The following TRAK1 variants were observed in gnomAD, a reference collection of about 807,000 sequenced individuals.
TRAK1 encodes trafficking kinesin protein 1, also known as trafficking kinesin-binding protein 1.
A neutral mutation model predicts 92.1 loss-of-function variants in TRAK1; 33 were observed. The observed-to-expected ratio is 0.36, with a 90% CI of 0.27 to 0.48. The LOEUF (loss-of-function observed/expected upper bound fraction) is 0.48, where lower values mean the gene tolerates loss of function less well. Among genes scored for constraint, TRAK1 ranks in the 20% least tolerant of loss-of-function variants. TRAK1 has a pLI of 0.99. For synonymous variants in TRAK1, 521 were observed against 517.3 expected (o/e 1.01, Z -0.10); for missense variants, 1,123 against 1,257.9 (o/e 0.89, Z 1.62).
chr3:42,078,743 A>G lies in TRAK1; in HGVS notation c.-518-8361A>G, dbSNP rs1006483158. 2.3e-4 allele frequency among the ~76,000 whole-genome samples: 29 copies of G among 124,234 alleles called. No individual in the cohort carries two copies. The East Asian group carries it at 3.3e-3, about 14-fold the overall frequency. The allele number at this position is 124,234 out of a possible 152,430, so 81.5% of individuals were successfully genotyped here. On this transcript the variant is annotated intron_variant, in intron 1 of 16. Transcript: ENST00000487159. The stretch of plus-strand genomic sequence containing the variant: ...ACTCCAGCCTGGGAGACAGAGGGAG[A>G]TTCCATCTCAAAAAAAAAAAAAAAA...
intron 2 of TRAK1, among the ~76,000 whole-genome samples, chr3:42,136,091 A>G (rs1216062388): frequency 2.6e-5 from 4 of 152,218 alleles, no homozygotes; most frequent in South Asian, 2.1e-4. Context: ...CTGTTTCTCT[A>G]TCATCATAAA....
chr3:42,156,133 C>T (rs1700506264), intron 2 of TRAK1, among the ~76,000 whole-genome samples: 1 of 152,232 alleles, frequency 6.6e-6, no homozygotes, highest in South Asian at 2.1e-4. Flanking sequence ...CCTGGCCCAG[C>T]CCTCTCCATC....
intron 1 of TRAK1, among the ~76,000 whole-genome samples, chr3:42,078,194 G>T (rs758560565): frequency 2.6e-5 from 4 of 152,150 alleles, no homozygotes; most frequent in Admixed American, 2.0e-4. Context: ...GGGGTAACAT[G>T]GGGGCTCCAG....
intron 4 of TRAK1, among the ~76,000 whole-genome samples, chr3:42,185,993 TTTTTTTTG>T (rs369747979): frequency 0.52 from 62,354 of 119,338 alleles, 18,881 homozygotes; most frequent in East Asian, 0.94. Flanking sequence ...TTTTTTTTTT[TTTTTTTTG>T]AGATAAGGTC....
At chr3:42,203,922 T>C in intron 13 of TRAK1, 1 of 984,840 alleles carries the variant, frequency 1.0e-6, no homozygotes, top group Non-Finnish European at 1.2e-6. Flanking sequence ...GGGAGCAATA[T>C]TGCCCCTGTG....
At chr3:42,169,350 ATT>A (rs1702264443) in intron 2 of TRAK1, among the ~76,000 whole-genome samples, 6 of 151,994 alleles carry the variant, frequency 3.9e-5, no homozygotes. Flanking sequence ...GTGTTTATTC[ATT>A]CACCAATTGA....
chr3:42,180,659 A>C (rs574443287), intron 3 of TRAK1, among the ~76,000 whole-genome samples: 2 of 145,202 alleles, frequency 1.4e-5, no homozygotes, highest in African/African-American at 5.1e-5. Context: ...GGCCTAGGCG[A>C]TAGAGTGAGA....
At chr3:42,070,330 A>G (rs994263526) in intron 1 of TRAK1, among the ~76,000 whole-genome samples, 26 of 150,264 alleles carry the variant, frequency 1.7e-4, no homozygotes, top group African/African-American at 6.3e-4. Context: ...TGCCAGTTTG[A>G]CAGATAACAT....
intron 1 of TRAK1, among the ~76,000 whole-genome samples, chr3:42,031,398 G>T (rs1293099177): frequency 6.6e-6 from 1 of 151,092 alleles, no homozygotes; most frequent in Non-Finnish European, 1.5e-5. Context: ...GCTTATGCCT[G>T]TAATCCCAGC....
intron 1 of TRAK1, among the ~76,000 whole-genome samples, chr3:42,063,217 G>A (rs191785096): frequency 2.6e-5 from 4 of 152,350 alleles, no homozygotes; most frequent in African/African-American, 9.6e-5. Context: ...GAATTGCAAC[G>A]GAGACTGTAT....
chr3:42,192,050 C>T (rs1705834212), intron 7 of TRAK1, among the ~76,000 whole-genome samples: 1 of 151,774 alleles, frequency 6.6e-6, no homozygotes, highest in African/African-American at 2.4e-5. Context: ...TACAGGCACC[C>T]ACCATCATGC....
Position 42,203,191 on chromosome 3 carries a change from T to C in TRAK1, c.1744+439T>C, listed in dbSNP as rs923536651. 2.5e-5 allele frequency: 27 copies of C among 1,094,464 alleles called. No homozygotes were observed. In the African/African-American group the frequency reaches 5.9e-4, roughly 24 times the overall value. The allele number at this position is 1,094,464 out of a possible 1,614,324, so 67.8% of individuals were successfully genotyped here. On this transcript the variant is annotated intron_variant, in intron 13 of 15. Transcript: ENST00000327628. Reference sequence around the variant, plus strand: ...GGGGAGAGGTTCCAAGCAAACTCTATTAAATGGGGATTTTTTTTTCCCCAT... The same window carrying C: ...GGGGAGAGGTTCCAAGCAAACTCTACTAAATGGGGATTTTTTTTTCCCCAT...
intron 1 of TRAK1, among the ~76,000 whole-genome samples, chr3:42,105,825 C>T (rs969538090): frequency 1.7e-4 from 26 of 152,212 alleles, no homozygotes; most frequent in Admixed American, 7.9e-4. Context: ...GATCTCTCAG[C>T]AGAAACTCTA....
At chr3:42,129,704 A>G (rs1175599829) in intron 2 of TRAK1, among the ~76,000 whole-genome samples, 1 of 152,196 alleles carries the variant, frequency 6.6e-6, no homozygotes, top group African/African-American at 2.4e-5. Flanking sequence ...GTGCTGGGTA[A>G]TCCTCAGAGT....
rs910554624 is a variant in TRAK1 at position 42,217,772 on chromosome 3, G to C, written c.1964-1722G>C. 1.0e-5 allele frequency: 10 copies of C among 985,166 alleles called. No homozygotes were observed. In the African/African-American group the frequency reaches 1.7e-4, roughly 17 times the overall value. The allele number at this position is 985,166 out of a possible 1,614,324, so 61.0% of individuals were successfully genotyped here. ...CCTGTTATTTGGGATGCTCTTCCCA[G>C]GCTTTTTGTTATTTTTGTTTCTAGA... is the stretch of plus-strand genomic sequence containing the variant. On this transcript the variant is annotated intron_variant, in intron 14 of 15. Transcript: ENST00000327628.
intron 14 of TRAK1, chr3:42,219,070 C>G: frequency 9.1e-6 from 9 of 985,446 alleles, no homozygotes; most frequent in Non-Finnish European, 1.1e-5. Context: ...TACTTCTCCC[C>G]TTCCTCTGAG....
intron 2 of TRAK1, among the ~76,000 whole-genome samples, chr3:42,162,749 G>C (rs1346949649): frequency 6.6e-6 from 1 of 152,158 alleles, no homozygotes; most frequent in Non-Finnish European, 1.5e-5. Context: ...GTTCCTGTCA[G>C]CAAAATATTT....
At chr3:42,203,791 A>G (rs1346980955) in intron 13 of TRAK1, 1 of 917,144 alleles carries the variant, frequency 1.1e-6, no homozygotes, top group East Asian at 1.2e-4. Context: ...TTAATACCAC[A>G]TATATATTGT....
chr3:42,141,758 C>G (rs1430434285), intron 2 of TRAK1, among the ~76,000 whole-genome samples: 1 of 152,186 alleles, frequency 6.6e-6, no homozygotes, highest in African/African-American at 2.4e-5. Context: ...GGCGTTTTCT[C>G]CTCTTCTCCT....
Sources: gnomAD v4.1 joint callset for allele counts (sites outside exome capture counted in the v4.1 genomes callset) on GRCh38, gnomAD v4.1.1 for gene constraint, MANE v1.5 for transcripts, NCBI Gene and HGNC (gene_info 2026-07-23, HGNC 2026-07-21) for gene names.